Variants in GABRB1 observed in about 807,000 individuals in gnomAD.
GABRB1 encodes gamma-aminobutyric acid receptor subunit beta-1.
A neutral mutation model predicts 51.6 loss-of-function variants in GABRB1; 17 were observed. That is an observed-to-expected ratio of 0.33 (90% CI 0.23 to 0.49). The LOEUF is 0.49. Among genes scored for constraint, GABRB1 ranks in the 20% least tolerant of loss-of-function variants. The probability of loss-of-function intolerance (pLI) is 0.99; values close to 1 mark genes in which losing one functional copy is unlikely to be tolerated. For missense variants in GABRB1, 410 were observed against 600.6 expected (o/e 0.68, Z 3.32); for synonymous variants, 247 against 218.9 (o/e 1.13, Z -1.14).
At chr4:47,125,697 A>G (rs1486326367) in intron 3 of GABRB1, among the ~76,000 whole-genome samples, 4 of 146,710 alleles carry the variant, frequency 2.7e-5, no homozygotes, top group Non-Finnish European at 6.0e-5. Context: ...CTGGGACTAC[A>G]GGCGCCTGCC....
intron 5 of GABRB1, among the ~76,000 whole-genome samples, chr4:47,394,871 A>G (rs1560366810): frequency 2.6e-5 from 4 of 152,132 alleles, no homozygotes; most frequent in Admixed American, 2.0e-4. Context: ...TACTTGATAG[A>G]AAAGCAATTT....
chr4:47,346,785 T>G (rs1407470264), intron 5 of GABRB1, among the ~76,000 whole-genome samples: 1 of 152,230 alleles, frequency 6.6e-6, no homozygotes, highest in African/African-American at 2.4e-5. Context: ...CTTGCTGTTT[T>G]CAAACAGTGA....
intron 5 of GABRB1, among the ~76,000 whole-genome samples, chr4:47,324,654 A>G (rs936990649): frequency 1.3e-5 from 2 of 152,064 alleles, no homozygotes; most frequent in African/African-American, 2.4e-5. Flanking sequence ...TTTACATTCA[A>G]TCTTATGCTG....
chr4:47,416,563 G>T (rs1309367475), intron 8 of GABRB1, among the ~76,000 whole-genome samples: 4 of 151,354 alleles, frequency 2.6e-5, no homozygotes, highest in African/African-American at 9.7e-5. Flanking sequence ...CAATTCTCAT[G>T]CCTCAGCCTC....
At chr4:47,201,000 A>G (rs1719877043) in intron 4 of GABRB1, among the ~76,000 whole-genome samples, 1 of 152,190 alleles carries the variant, frequency 6.6e-6, no homozygotes, top group South Asian at 2.1e-4. Flanking sequence ...AACATAGTTC[A>G]CTAATATTTA....
In GABRB1 at chr4:47,354,934, TGCCTG is replaced by T. The variant is rs547283425; in HGVS notation, c.544+34726_544+34730del. On this transcript the variant is annotated intron_variant, in intron 5 of 8. Coordinates refer to ENST00000295454, the MANE Select transcript of GABRB1 (RefSeq NM_000812.4). ...CTGCCTGCCTGCCTGCCTGCCTGCC[TGCCTG>T]CCTTCCTTTCTCTCTCCTTCCTTTC... 3.3e-4 allele frequency among the ~76,000 whole-genome samples: 48 copies of T among 146,140 alleles called. No homozygotes were observed. The East Asian group carries it at 9.5e-3, about 29-fold the overall frequency.
At chr4:47,015,978 C>CTGGA (rs1489766623) in intron 1 of GABRB1, among the ~76,000 whole-genome samples, 1 of 152,104 alleles carries the variant, frequency 6.6e-6, no homozygotes, top group Non-Finnish European at 1.5e-5. Context: ...GCCACAGCAG[C>CTGGA]TGGAGTATTA....
intron 1 of GABRB1, among the ~76,000 whole-genome samples, chr4:47,018,826 G>T (rs1010136857): frequency 6.6e-6 from 1 of 152,078 alleles, no homozygotes; most frequent in African/African-American, 2.4e-5. Flanking sequence ...AGGAAGAAGA[G>T]GGTTTGATTT....
chr4:47,340,507 A>T, intron 5 of GABRB1, among the ~76,000 whole-genome samples: 1 of 152,192 alleles, frequency 6.6e-6, no homozygotes, highest in Non-Finnish European at 1.5e-5. Flanking sequence ...AAGCACCAGT[A>T]GATTCAGCTC....
rs1274221477 is a variant in GABRB1 at position 47,019,625 on chromosome 4, C to CTCTCTCTTTCTTTCTT, written c.-19-12286_-19-12285insCTCTTTCTTTCTTTCT. Among the ~76,000 whole-genome samples, 426 of 91,092 alleles carry CTCTCTCTTTCTTTCTT rather than the reference C, an allele frequency of 4.7e-3. 3 individuals carry two copies. The highest frequency in any genetic ancestry group is 0.016 in the South Asian group (36 of 2,314). 59.8% of individuals were successfully genotyped at this position (91,092 alleles called of 152,430 possible). ...TCCTCCCTTCTTTCTTTCTTTCTCT[C>CTCTCTCTTTCTTTCTT]TCTTTCTTTCTTTCTTTCTTTCTTT... On this transcript the variant is annotated intron_variant, in intron 1 of 3. Coordinates refer to the GABRB1 transcript ENST00000513567.
intron 4 of GABRB1, among the ~76,000 whole-genome samples, chr4:47,209,080 T>A (rs982469933): frequency 6.6e-6 from 1 of 152,128 alleles, no homozygotes; most frequent in Non-Finnish European, 1.5e-5. Context: ...ATTTATAGAA[T>A]AATAAATTAT....
intron 3 of GABRB1, among the ~76,000 whole-genome samples, chr4:47,149,435 A>T (rs1717328553): frequency 6.6e-6 from 1 of 151,990 alleles, no homozygotes. Flanking sequence ...GATCACACAA[A>T]TAAGGAAACT....
intron 3 of GABRB1, among the ~76,000 whole-genome samples, chr4:47,036,847 A>G (rs1192175503): frequency 2.0e-5 from 3 of 152,000 alleles, no homozygotes; most frequent in African/African-American, 7.3e-5. Flanking sequence ...TATGTGATAG[A>G]GCAAAACAGT....
chr4:47,274,747 G>T (rs1039205754), intron 4 of GABRB1, among the ~76,000 whole-genome samples: 1 of 152,086 alleles, frequency 6.6e-6, no homozygotes, highest in East Asian at 1.9e-4. Flanking sequence ...ACTTTTGATG[G>T]GGAGTTCTGA....
At chr4:47,192,809 A>G (rs886167794) in intron 4 of GABRB1, among the ~76,000 whole-genome samples, 2 of 152,240 alleles carry the variant, frequency 1.3e-5, no homozygotes, top group Non-Finnish European at 2.9e-5. Context: ...ATAGCTAAAC[A>G]TTAAGAATGA....
intron 4 of GABRB1, among the ~76,000 whole-genome samples, chr4:47,182,695 G>A (rs367736963): frequency 6.6e-6 from 1 of 151,408 alleles, no homozygotes; most frequent in East Asian, 1.9e-4. Flanking sequence ...GTTCAAATCA[G>A]ACAAAAAAAG....
chr4:47,284,962 G>C (rs1044851646), intron 4 of GABRB1, among the ~76,000 whole-genome samples: 2 of 152,184 alleles, frequency 1.3e-5, no homozygotes, highest in African/African-American at 2.4e-5. Flanking sequence ...ACAGAGTTTG[G>C]AGGATCGTAC....
At chr4:47,146,921 G>C (rs923337736) in intron 3 of GABRB1, among the ~76,000 whole-genome samples, 1 of 152,068 alleles carries the variant, frequency 6.6e-6, no homozygotes, top group Non-Finnish European at 1.5e-5. Context: ...AAATGTGTTA[G>C]TGTGACTATT....
intron 3 of GABRB1, among the ~76,000 whole-genome samples, chr4:47,042,800 G>T (rs1204123869): frequency 6.6e-6 from 1 of 151,680 alleles, no homozygotes; most frequent in Non-Finnish European, 1.5e-5. Flanking sequence ...AAATATATAT[G>T]CATGTAATAT....
Sources: gnomAD v4.1 joint callset for allele counts (sites outside exome capture counted in the v4.1 genomes callset) on GRCh38, gnomAD v4.1.1 for gene constraint, MANE v1.5 for transcripts, NCBI Gene and HGNC (gene_info 2026-07-23, HGNC 2026-07-21) for gene names.